STK33: variants seen among roughly 807,000 people sequenced by gnomAD.
STK33 encodes serine/threonine kinase 33.
STK33 carries 52 observed loss-of-function variants against 58.0 expected under a neutral mutation model. That is an observed-to-expected ratio of 0.90 (90% confidence interval 0.72 to 1.13). The LOEUF is 1.13. Among genes scored for constraint, STK33 ranks in the 50% most tolerant of loss-of-function variants. The pLI is 0.00. For synonymous variants in STK33, 215 were observed against 200.1 expected (o/e 1.07, Z -0.63); for missense variants, 630 against 604.2 (o/e 1.04, Z -0.45).
chr11:8,551,720 C>T (rs1956313602), intron 1 of STK33, among the ~76,000 whole-genome samples: 3 of 152,104 alleles, frequency 2.0e-5, no homozygotes, highest in Non-Finnish European at 4.4e-5. Flanking sequence ...TAAAACTTTA[C>T]CCCAGAACTA....
intron 7 of STK33, among the ~76,000 whole-genome samples, chr11:8,462,972 A>G (rs1226139563): frequency 1.3e-5 from 2 of 152,120 alleles, no homozygotes; most frequent in African/African-American, 2.4e-5. Flanking sequence ...GATTTGGGAG[A>G]GTACATAATG....
intron 15 of STK33, among the ~76,000 whole-genome samples, chr11:8,395,253 G>A (rs1849137540): frequency 6.6e-6 from 1 of 152,196 alleles, no homozygotes; most frequent in Admixed American, 6.5e-5. Context: ...TTGAATCACA[G>A]GGGCAGGTTT....
intron 1 of STK33, among the ~76,000 whole-genome samples, chr11:8,585,222 A>ATTTTTT (rs34448251): frequency 1.1e-5 from 1 of 89,314 alleles, no homozygotes. Context: ...TGCACCCAGC[A>ATTTTTT]TTTTTTTTTT....
intron 15 of STK33, among the ~76,000 whole-genome samples, chr11:8,402,166 C>T (rs538727060): frequency 0.01 from 1,543 of 152,182 alleles, 20 homozygotes; most frequent in African/African-American, 0.034. Context: ...CACATGCACA[C>T]GTATGTTTAT....
intron 1 of STK33, among the ~76,000 whole-genome samples, chr11:8,553,245 A>G (rs867714574): frequency 1.2e-4 from 11 of 92,178 alleles, no homozygotes; most frequent in African/African-American, 5.0e-4. Context: ...TATATATGAT[A>G]TATATGATAT....
chr11:8,472,530 T>TA (rs1247283605), intron 6 of STK33, among the ~76,000 whole-genome samples: 1 of 152,152 alleles, frequency 6.6e-6, no homozygotes, highest in Non-Finnish European at 1.5e-5. Context: ...AATCAGAACA[T>TA]ATACATTTAT....
Position 8,474,713 on chromosome 11 carries a change from TA to T in STK33, c.192del (p.Asn64LysfsTer6). ...TTCCTGGAGGTTATATCTCTGTTGATATTTTTTTCTTTTTTTCTCTCCAGTG... is the reference window on the plus strand; with the variant it reads ...TTCCTGGAGGTTATATCTCTGTTGATTTTTTTTCTTTTTTTCTCTCCAGTG... ...LISLERKKEKNINRDITSRKD... is the reference protein window; with the variant it reads ...LISLERKKEKXINRDITSRKD... On this transcript the variant is annotated frameshift_variant, in exon 5 of 16. Coordinates refer to ENST00000687296, the MANE Select transcript of STK33 (RefSeq NM_001352389.2). LOFTEE classifies it high-confidence loss of function. 1 of 1,611,936 alleles carries T rather than the reference TA, an allele frequency of 6.2e-7. No homozygotes were observed. The highest frequency in any genetic ancestry group is 8.5e-7 in the Non-Finnish European group (1 of 1,179,402).
chr11:8,429,638 A>G (rs567999131), intron 14 of STK33, among the ~76,000 whole-genome samples: 2 of 152,192 alleles, frequency 1.3e-5, no homozygotes, highest in African/African-American at 4.8e-5. Context: ...CACGACAACC[A>G]TATCACACAC....
chr11:8,447,526 C>G (rs954941892), intron 11 of STK33, among the ~76,000 whole-genome samples: 2 of 152,048 alleles, frequency 1.3e-5, no homozygotes, highest in African/African-American at 4.8e-5. Flanking sequence ...ACAGAACCAA[C>G]GACAAAAACC....
chr11:8,440,660 A>G lies in STK33; in HGVS notation c.947+18T>C, dbSNP rs113184907. The G allele has an allele frequency of 6.4e-7, 1 of 1,552,306 alleles. No homozygotes were observed. Among genetic ancestry groups the G allele is most frequent in the African/African-American group, 1.4e-5 (1 of 73,634 alleles). On this transcript the variant is annotated intron_variant, in intron 12 of 15. Coordinates refer to ENST00000687296, the MANE Select transcript of STK33 (RefSeq NM_001352389.2). ...ACTATCCACTCATCTTAAAGTGTAC[A>G]TTTAGCAGGCTACTTACAACATGTA...
chr11:8,469,543 T>G (rs1195798033), intron 6 of STK33, among the ~76,000 whole-genome samples: 3 of 152,210 alleles, frequency 2.0e-5, no homozygotes, highest in Admixed American at 6.5e-5. Flanking sequence ...CCAGACTCCA[T>G]CAGTGTTGAT....
At chr11:8,522,295 A>T (rs1219638200) in intron 1 of STK33, among the ~76,000 whole-genome samples, 2 of 152,236 alleles carry the variant, frequency 1.3e-5, no homozygotes, top group Non-Finnish European at 2.9e-5. Flanking sequence ...CTATGCAGCC[A>T]TAAAAAGGAT....
At chr11:8,436,191 C>A in intron 12 of STK33, 52 bp from the exon 13 acceptor site, 2 of 1,115,898 alleles carry the variant, frequency 1.8e-6, no homozygotes, top group South Asian at 1.9e-5. Context: ...TAAAAATAAG[C>A]CTATTAAAAT....
At chr11:8,495,487 T>G (rs1173526596) in intron 1 of STK33, among the ~76,000 whole-genome samples, 4 of 152,188 alleles carry the variant, frequency 2.6e-5, no homozygotes, top group African/African-American at 9.6e-5. Flanking sequence ...GGAACGCTGT[T>G]ACACTGTTGG....
intron 1 of STK33, among the ~76,000 whole-genome samples, chr11:8,582,462 G>A (rs920212915): frequency 2.0e-5 from 3 of 152,202 alleles, no homozygotes; most frequent in Admixed American, 6.5e-5. Context: ...CATGGCAGAA[G>A]GCAAAGGGGA....
chr11:8,394,244 T>C (rs1848974801), intron 15 of STK33, among the ~76,000 whole-genome samples: 1 of 152,238 alleles, frequency 6.6e-6, no homozygotes, highest in Non-Finnish European at 1.5e-5. Flanking sequence ...CCCCTGATGT[T>C]AGAGCATCTG....
chr11:8,558,298 T>C (rs1033601431), intron 1 of STK33, among the ~76,000 whole-genome samples: 35 of 152,084 alleles, frequency 2.3e-4, no homozygotes, highest in African/African-American at 8.5e-4. Flanking sequence ...AGGAAATACC[T>C]ACATTCCTAA....
the STK33 span, among the ~76,000 whole-genome samples, chr11:8,354,474 TCA>T: frequency 0.054 from 6,770 of 124,692 alleles, 192 homozygotes; most frequent in African/African-American, 0.081. Context: ...CTGCAAAACC[TCA>T]CACACACACA....
chr11:8,587,146 C>G (rs1392263498), intron 1 of STK33, among the ~76,000 whole-genome samples: 1 of 152,138 alleles, frequency 6.6e-6, no homozygotes, highest in African/African-American at 2.4e-5. Flanking sequence ...ATAACAGATT[C>G]AGCAAAGTAT....
Sources: allele counts gnomAD v4.1 joint callset (sites outside exome capture counted in the v4.1 genomes callset), GRCh38; gene constraint gnomAD v4.1.1; transcripts MANE v1.5; gene names NCBI Gene and HGNC (gene_info 2026-07-23, HGNC 2026-07-21).